SPAG16: variants seen among roughly 807,000 people sequenced by gnomAD.
The protein encoded by SPAG16 is sperm-associated antigen 16 protein.
In SPAG16, 86 loss-of-function variants were observed where a neutral mutation model predicts 80.4. The ratio of observed to expected loss-of-function variants is 1.07; its 90% confidence interval spans 0.90 to 1.28. The LOEUF (loss-of-function observed/expected upper bound fraction) is 1.28. Among genes scored for constraint, SPAG16 ranks in the 50% most tolerant of loss-of-function variants. The pLI is 0.00. For missense variants in SPAG16, 870 were observed against 765.3 expected, an observed-to-expected ratio of 1.14 and a Z score of -1.61; for synonymous variants, 294 against 265.9, an observed-to-expected ratio of 1.11 and a Z score of -1.03.
At chr2:213,739,803 T>C (rs1181889871) in intron 10 of SPAG16, among the ~76,000 whole-genome samples, 2 of 152,182 alleles carry the variant, frequency 1.3e-5, no homozygotes, top group East Asian at 3.9e-4. Context: ...GGTTTTACCA[T>C]GTTGGCCAGG....
intron 10 of SPAG16, among the ~76,000 whole-genome samples, chr2:213,644,698 C>A (rs2062753792): frequency 6.6e-6 from 1 of 152,310 alleles, no homozygotes; most frequent in East Asian, 1.9e-4. Context: ...CAGTCAGTCT[C>A]TTTCTCTCTT....
chr2:213,623,602 G>A (rs1275696831), intron 10 of SPAG16, among the ~76,000 whole-genome samples: 2 of 152,152 alleles, frequency 1.3e-5, no homozygotes, highest in East Asian at 3.9e-4. Flanking sequence ...GATGTGCATT[G>A]ATTTGAAATA....
At chr2:213,668,585 C>CA (rs2063700168) in intron 10 of SPAG16, among the ~76,000 whole-genome samples, 1 of 152,008 alleles carries the variant, frequency 6.6e-6, no homozygotes, top group Non-Finnish European at 1.5e-5. Flanking sequence ...TATCAGGTTG[C>CA]ATTATTTATG....
chr2:214,146,065 T>C (rs2055622619), intron 14 of SPAG16, among the ~76,000 whole-genome samples: 1 of 152,206 alleles, frequency 6.6e-6, no homozygotes, highest in Admixed American at 6.5e-5. Flanking sequence ...TCTTGAGTCT[T>C]GACTTTCATT....
At chr2:213,316,403 C>T (rs2063401929) in intron 4 of SPAG16, among the ~76,000 whole-genome samples, 2 of 152,068 alleles carry the variant, frequency 1.3e-5, no homozygotes, top group Non-Finnish European at 2.9e-5. Flanking sequence ...TCTTTGACTA[C>T]TGCAATAGCC....
intron 7 of SPAG16, among the ~76,000 whole-genome samples, chr2:213,356,998 C>T (rs757135533): frequency 3.3e-5 from 5 of 152,040 alleles, no homozygotes; most frequent in Admixed American, 1.3e-4. Flanking sequence ...GCCTTAATTT[C>T]GTTATGTACC....
chr2:213,415,223 A>G (rs1162863069), intron 9 of SPAG16, among the ~76,000 whole-genome samples: 1 of 152,216 alleles, frequency 6.6e-6, no homozygotes, highest in African/African-American at 2.4e-5. Context: ...GCAAAGATCT[A>G]GAGGTCAGCC....
At chr2:213,387,608 C>T (rs2067512784) in intron 9 of SPAG16, among the ~76,000 whole-genome samples, 1 of 140,110 alleles carries the variant, frequency 7.1e-6, no homozygotes, top group Non-Finnish European at 1.5e-5. Context: ...GCGCCCGCCA[C>T]CACGCCCGGC....
chr2:214,048,998 CA>C (rs1220233439), intron 13 of SPAG16, among the ~76,000 whole-genome samples: 1 of 144,112 alleles, frequency 6.9e-6, no homozygotes, highest in Non-Finnish European at 1.5e-5. Flanking sequence ...TGAAATTGTA[CA>C]AGCATAGCTG....
chr2:213,684,378 A>G (rs1409981902), intron 10 of SPAG16, among the ~76,000 whole-genome samples: 3 of 152,230 alleles, frequency 2.0e-5, no homozygotes, highest in Non-Finnish European at 4.4e-5. Flanking sequence ...AGATCAGAGC[A>G]TACACATAGC....
At chr2:213,511,092 ATAT>A (rs1326325787) in intron 10 of SPAG16, among the ~76,000 whole-genome samples, 1 of 152,166 alleles carries the variant, frequency 6.6e-6, no homozygotes, top group Non-Finnish European at 1.5e-5. Context: ...TGTAAGTAAA[ATAT>A]TAATATAAAG....
chr2:213,940,876 C>T (rs1272713536), intron 12 of SPAG16, among the ~76,000 whole-genome samples: 1 of 152,110 alleles, frequency 6.6e-6, no homozygotes, highest in African/African-American at 2.4e-5. Context: ...TATAAACAGG[C>T]TACATTATGT....
At chr2:213,396,811 G>A (rs574452726) in intron 9 of SPAG16, 67 of 283,188 alleles carry the variant, frequency 2.4e-4, no homozygotes, top group African/African-American at 1.4e-3. Context: ...CCCTTTATCT[G>A]TGTTCTTTAC....
intron 9 of SPAG16, among the ~76,000 whole-genome samples, chr2:213,475,637 C>G (rs2125676571): frequency 6.6e-6 from 1 of 152,260 alleles, no homozygotes; most frequent in African/African-American, 2.4e-5. Flanking sequence ...GCAGAAAGGA[C>G]TAGTTGGCAG....
chr2:213,799,851 A>G (rs1448100728), intron 10 of SPAG16, among the ~76,000 whole-genome samples: 1 of 152,084 alleles, frequency 6.6e-6, no homozygotes, highest in Non-Finnish European at 1.5e-5. Context: ...AATAGGAAAC[A>G]TATAACTACT....
At chr2:214,081,041 A>C (rs2051364168) in intron 13 of SPAG16, among the ~76,000 whole-genome samples, 1 of 151,960 alleles carries the variant, frequency 6.6e-6, no homozygotes, top group Non-Finnish European at 1.5e-5. Flanking sequence ...TTTCACATAC[A>C]GGGCTATATA....
intron 10 of SPAG16, among the ~76,000 whole-genome samples, chr2:213,606,377 A>G (rs2061260712): frequency 6.6e-6 from 1 of 152,216 alleles, no homozygotes; most frequent in Admixed American, 6.5e-5. Flanking sequence ...CCCACAAGCA[A>G]TGGATCAAAG....
chr2:213,911,082 A>G (rs1470759069), intron 11 of SPAG16, among the ~76,000 whole-genome samples: 1 of 152,180 alleles, frequency 6.6e-6, no homozygotes, highest in Non-Finnish European at 1.5e-5. Context: ...AAAAGTGATT[A>G]CCATCAATCT....
intron 15 of SPAG16, among the ~76,000 whole-genome samples, chr2:214,268,260 G>A (rs775824786): frequency 1.3e-5 from 2 of 151,714 alleles, no homozygotes; most frequent in African/African-American, 4.8e-5. Flanking sequence ...CAGTATGAAC[G>A]TTCCTTTATT....
Sources: allele counts gnomAD v4.1 joint callset (sites outside exome capture counted in the v4.1 genomes callset), GRCh38; gene constraint gnomAD v4.1.1; transcripts MANE v1.5; gene names NCBI Gene and HGNC (gene_info 2026-07-23, HGNC 2026-07-21).